PMS2: variants seen among roughly 807,000 people sequenced by gnomAD.
PMS2 encodes mismatch repair endonuclease PMS2.
PMS2 carries 69 observed loss-of-function variants against 90.0 expected under a neutral mutation model. The ratio of observed to expected loss-of-function variants is 0.77; its 90% CI spans 0.63 to 0.94. The LOEUF (loss-of-function observed/expected upper bound fraction) is 0.94. Among genes scored for constraint, PMS2 ranks in the 40% least tolerant of loss-of-function variants. The pLI is 0.00. For missense variants in PMS2, 966 were observed against 1,040.2 expected, an observed-to-expected ratio of 0.93 and a Z score of 0.98; for synonymous variants, 332 against 375.1, an observed-to-expected ratio of 0.89 and a Z score of 1.33.
At chr7:5,991,872 A>T in intron 9 of PMS2, 101 bp downstream of exon 9, 3 of 740,100 alleles carry the variant, frequency 4.1e-6, no homozygotes, top group Middle Eastern at 4.8e-4. Context: ...TTACATGACC[A>T]TAAATTGTTA....
chr7:5,986,731 G>C (rs1782910478), intron 11 of PMS2, 28 bp downstream of exon 11: 2 of 1,505,164 alleles, frequency 1.3e-6, no homozygotes, highest in Admixed American at 4.3e-5. Context: ...TAGATAAAAA[G>C]AGAAAAAGTA....
intron 8 of PMS2, among the ~76,000 whole-genome samples, chr7:5,994,113 T>G (rs1784091057): frequency 6.6e-6 from 1 of 151,996 alleles, no homozygotes; most frequent in African/African-American, 2.4e-5. Context: ...CCAGGCGCGG[T>G]GGTTCACGCC....
chr7:5,983,189 T>C (rs1193209407), intron 11 of PMS2, among the ~76,000 whole-genome samples, 198 bp from the exon 12 acceptor site: 1 of 151,718 alleles, frequency 6.6e-6, no homozygotes, highest in Non-Finnish European at 1.5e-5. Context: ...CTTGGCTCAC[T>C]GCAACCTCCA....
intron 8 of PMS2, among the ~76,000 whole-genome samples, chr7:5,994,477 T>C (rs576376252): frequency 6.7e-6 from 1 of 149,602 alleles, no homozygotes; most frequent in South Asian, 2.1e-4. Flanking sequence ...ACCCATAAGT[T>C]AAAAATATTG....
rs374143144 is a variant in PMS2 at position 5,973,377 on chromosome 7, T to C, written c.*22A>G. ...ACATAAAAATCTGCGATAAAACCAA[T>C]TATTCCATACAGTGACTACGGTCAG... On this transcript the variant is annotated 3_prime_UTR_variant, in exon 15 of 15. Transcript: ENST00000265849. The C allele has an allele frequency of 3.5e-5, 29 of 821,586 alleles. 2 individuals carry two copies. The highest frequency in any genetic ancestry group is 9.1e-5 in the South Asian group (6 of 65,696). The allele number at this position is 821,586 out of a possible 1,614,324, so 50.9% of individuals were successfully genotyped here.
chr7:5,977,871 G>A, intron 13 of PMS2, 114 bp from the exon 14 acceptor site: 4 of 1,508,448 alleles, frequency 2.7e-6, no homozygotes, highest in South Asian at 2.3e-5. Context: ...TGTAATCCCT[G>A]CACTTTGGGA....
At chr7:5,985,304 T>C (rs1266040562) in intron 11 of PMS2, among the ~76,000 whole-genome samples, 2 of 147,548 alleles carry the variant, frequency 1.4e-5, no homozygotes, top group Non-Finnish European at 3.0e-5. Context: ...TGGGGCCTCA[T>C]TATATTGCCC....
At chr7:6,003,209 A>T (rs1416103087) in intron 4 of PMS2, 1 of 153,210 alleles carries the variant, frequency 6.5e-6, no homozygotes, top group African/African-American at 2.4e-5. Flanking sequence ...CACGAGAATC[A>T]CTTGAACCTG....
chr7:5,990,184 T>G (rs1783581973), intron 9 of PMS2, among the ~76,000 whole-genome samples: 1 of 152,152 alleles, frequency 6.6e-6, no homozygotes, highest in Non-Finnish European at 1.5e-5. Flanking sequence ...ATTTTTGTAT[T>G]TTTAGTAGAG....
At chr7:6,009,058 T>C (rs2128866719), upstream of PMS2, 2 of 1,609,680 alleles carry the variant, frequency 1.2e-6, no homozygotes, top group Non-Finnish European at 1.7e-6. Flanking sequence ...CTGGGAAAGT[T>C]CCCTCCAGGG....
chr7:6,003,821 G>C (rs755488311), intron 3 of PMS2, 29 bp from the exon 4 acceptor site: 6 of 1,432,914 alleles, frequency 4.2e-6, no homozygotes, highest in Non-Finnish European at 4.9e-6. Flanking sequence ...TAAGGACTAA[G>C]ATATCTCAAG....
chr7:5,978,922 C>T (rs1219814939), intron 12 of PMS2, among the ~76,000 whole-genome samples: 2 of 149,114 alleles, frequency 1.3e-5, no homozygotes, highest in Non-Finnish European at 1.5e-5. Context: ...AGGCCAGGTG[C>T]GGTGGCTCAC....
At position 6,006,853 on chromosome 7, in the gene PMS2, C is replaced by T. The variant is rs1254044892; in HGVS notation, c.24-822G>A. Reference sequence around the variant, plus strand: ...ACCCTCAAAGCTCTTGCTGTACTAGCTTTAAGAGTTTTATAAAGGTTTTAT... The same window carrying T: ...ACCCTCAAAGCTCTTGCTGTACTAGTTTTAAGAGTTTTATAAAGGTTTTAT... On this transcript the variant is annotated intron_variant, in intron 1 of 14. Transcript: ENST00000265849. Among the ~76,000 whole-genome samples, 5 of 152,092 alleles carry T rather than the reference C, an allele frequency of 3.3e-5. No individual in the cohort carries two copies. The South Asian group carries it at 8.3e-4, about 25-fold the overall frequency.
At chr7:5,994,703 G>T (rs958040428) in intron 8 of PMS2, among the ~76,000 whole-genome samples, 9 of 151,800 alleles carry the variant, frequency 5.9e-5, no homozygotes, top group Non-Finnish European at 5.9e-5. Context: ...GTGAACCTGG[G>T]AGGCGGAGCT....
chr7:5,984,088 T>C lies in PMS2; in HGVS notation c.2007-1097A>G, dbSNP rs550034682. 4.3e-4 allele frequency among the ~76,000 whole-genome samples: 65 copies of C among 152,046 alleles called. No individual in the cohort carries two copies. In the South Asian group the frequency reaches 0.013, roughly 30 times the overall value. The stretch of plus-strand genomic sequence containing the variant: ...CACTCAAAGCTGCAACAAATACTTC[T>C]GTGCATAAACCTACTCATCTGTGGG... On this transcript the variant is annotated intron_variant, in intron 11 of 14. Transcript: ENST00000265849.
In PMS2 at chr7:5,978,550, C is replaced by T. The variant is rs753639040; in HGVS notation, c.2275+46G>A. On this transcript the variant is annotated intron_variant, in intron 13 of 14. Coordinates refer to ENST00000265849, the MANE Select transcript of PMS2 (RefSeq NM_000535.7). ...CCTCCCAGAGTGCTGGGATTACAGA[C>T]GTGAGCCACCACACCCAGCCGCTAT... is the stretch of plus-strand genomic sequence containing the variant. The T allele has an allele frequency of 3.5e-5, 52 of 1,493,364 alleles. No individual in the cohort carries two copies. The highest frequency in any genetic ancestry group is 1.4e-4 in the South Asian group (12 of 85,612). The allele number at this position is 1,493,364 out of a possible 1,614,324, so 92.5% of individuals were successfully genotyped here.
At chr7:5,978,384 C>CGTGG (rs964093905) in intron 13 of PMS2, among the ~76,000 whole-genome samples, 4 of 148,508 alleles carry the variant, frequency 2.7e-5, no homozygotes, top group Non-Finnish European at 4.5e-5. Flanking sequence ...GATTCTCCCA[C>CGTGG]CTCAGCCTCC....
Position 5,982,917 on chromosome 7 carries a change from T to A in PMS2, c.2081A>T (p.Asp694Val), listed in dbSNP as rs1554295876. 6.3e-7 allele frequency: 1 copy of A among 1,594,832 alleles called. No individual in the cohort carries two copies. Residue 694 changes from aspartate (D) to valine (V), a missense_variant, in exon 12 of 15, where the codon GAT (aspartate) becomes GTT (valine). Asp to Val is a radical substitution (Grantham distance 152). This residue lies in a region of PMS2 where 95 missense variants were observed against 237.8 expected (regional missense o/e 0.40). Coordinates refer to ENST00000265849, the MANE Select transcript of PMS2 (RefSeq NM_000535.7). ...GGCATGCTGGTCCACTATGAAGATA[T>A]CCTCATTCAGTTTGGTTATTATAAA... is the stretch of plus-strand genomic sequence containing the variant. ...LGFIITKLNE[D>V]IFIVDQHATD...
intron 6 of PMS2, among the ~76,000 whole-genome samples, chr7:5,998,619 G>C: frequency 6.6e-6 from 1 of 151,392 alleles, no homozygotes; most frequent in South Asian, 2.1e-4. Flanking sequence ...GCTTCAACGC[G>C]GGAGGCAGAG....
Sources: allele counts gnomAD v4.1 joint callset (sites outside exome capture counted in the v4.1 genomes callset), GRCh38; gene constraint gnomAD v4.1.1; regional missense constraint gnomAD v4.1.1; transcripts MANE v1.5; gene names NCBI Gene and HGNC (gene_info 2026-07-23, HGNC 2026-07-21).